DDC: variants seen among roughly 807,000 people sequenced by gnomAD.
DDC encodes aromatic-L-amino-acid decarboxylase.
Under a neutral mutation model 60.0 loss-of-function variants are expected in DDC, and 43 were observed. The ratio of observed to expected loss-of-function variants is 0.72; its 90% CI spans 0.56 to 0.92. The LOEUF (loss-of-function observed/expected upper bound fraction) is 0.92, where lower values mean the gene tolerates loss of function less well. DDC is among the 40% of genes least tolerant of loss of function. DDC has a pLI of 0.00. For missense variants in DDC, 573 were observed against 620.2 expected, an observed-to-expected ratio of 0.92 and a Z score of 0.81; for synonymous variants, 232 against 234.6, an observed-to-expected ratio of 0.99 and a Z score of 0.10.
chr7:50,534,593 G>A (rs560888241), intron 4 of DDC, among the ~76,000 whole-genome samples: 8 of 135,510 alleles, frequency 5.9e-5, no homozygotes, highest in Middle Eastern at 3.6e-3. Context: ...ATGAGACTTC[G>A]TCTAAAAACA....
chr7:50,535,386 A>T (rs1178332463), intron 4 of DDC, among the ~76,000 whole-genome samples: 1 of 152,198 alleles, frequency 6.6e-6, no homozygotes, highest in South Asian at 2.1e-4. Context: ...ACCTCAGGTG[A>T]TCTGCCTGCC....
chr7:50,499,276 T>C lies in DDC; in HGVS notation c.782-34A>G, dbSNP rs1468687539. 3 of 1,488,714 alleles carry C rather than the reference T, an allele frequency of 2.0e-6. No homozygotes were observed. The African/African-American group carries it at 4.1e-5, about 21-fold the overall frequency. 92.2% of individuals were successfully genotyped at this position (1,488,714 alleles called of 1,614,324 possible). On this transcript the variant is annotated intron_variant, in intron 7 of 14. Coordinates refer to ENST00000444124, the MANE Select transcript of DDC (RefSeq NM_001082971.2). Reference sequence around the variant, plus strand: ...CAGAATCAACTTGTGAGTCCCCAGATGGATGCCTCACCACGGAGCCTGCCA... The same window carrying C: ...CAGAATCAACTTGTGAGTCCCCAGACGGATGCCTCACCACGGAGCCTGCCA...
Position 50,540,041 on chromosome 7 carries a change from A to G in DDC, c.202-13T>C. 1 of 1,600,534 alleles carries G rather than the reference A, an allele frequency of 6.2e-7. No individual in the cohort carries two copies. The highest frequency in any genetic ancestry group is 8.6e-7 in the Non-Finnish European group (1 of 1,169,272). On this transcript the variant is annotated splice_polypyrimidine_tract_variant and intron_variant, in intron 2 of 14. Transcript: ENST00000444124. ...GCCAGTGCGTCACCTGCATGGGAGG[A>G]CAGAGCAGCTGCTGAGGAGTGAGGA...
At chr7:50,459,151 G>T (rs1429112762) in intron 14 of DDC, among the ~76,000 whole-genome samples, 2 of 152,262 alleles carry the variant, frequency 1.3e-5, no homozygotes, top group Non-Finnish European at 2.9e-5. Flanking sequence ...TGGAGACGGG[G>T]TTTCGCTGTG....
chr7:50,543,172 G>C (rs1012273449), intron 2 of DDC: 2 of 153,860 alleles, frequency 1.3e-5, no homozygotes, highest in Non-Finnish European at 2.9e-5. Flanking sequence ...GAAACTGGCC[G>C]GGCTGCAACT....
At chr7:50,530,226 G>C (rs1293242137) in intron 4 of DDC, among the ~76,000 whole-genome samples, 2 of 152,108 alleles carry the variant, frequency 1.3e-5, no homozygotes, top group African/African-American at 4.8e-5. Context: ...CTGCACTCCA[G>C]CCTGGGCGAC....
intron 2 of DDC, chr7:50,542,760 C>A (rs1359966195): frequency 1.3e-5 from 2 of 152,286 alleles, no homozygotes; most frequent in African/African-American, 4.8e-5. Context: ...GAACCTGAAT[C>A]CTGTTCTTTG....
chr7:50,492,926 G>T, intron 9 of DDC: 1 of 1,597,468 alleles, frequency 6.3e-7, no homozygotes, highest in Non-Finnish European at 8.5e-7. Flanking sequence ...TCCACGTCCC[G>T]AAAGGCTCAA....
intron 14 of DDC, 34 bp from the exon 15 acceptor site, chr7:50,458,877 T>G (rs1010505915): frequency 6.6e-6 from 1 of 151,916 alleles, no homozygotes; most frequent in Non-Finnish European, 1.5e-5. Flanking sequence ...AGCATATGGC[T>G]ACATTAAAAA....
intron 10 of DDC, among the ~76,000 whole-genome samples, chr7:50,477,293 C>T (rs111728225): frequency 6.0e-4 from 91 of 152,286 alleles, no homozygotes; most frequent in Admixed American, 2.5e-3. Flanking sequence ...GGCTCAGAGA[C>T]GGGAGTTTCT....
intron 9 of DDC, among the ~76,000 whole-genome samples, chr7:50,482,426 G>C (rs1181943967): frequency 1.3e-5 from 2 of 152,176 alleles, no homozygotes; most frequent in Non-Finnish European, 2.9e-5. Context: ...AACATTAGAA[G>C]CCCTAATTGG....
intron 9 of DDC, 118 bp from the exon 10 acceptor site, chr7:50,479,981 ACT>A: frequency 1.3e-6 from 1 of 744,908 alleles, no homozygotes; most frequent in Non-Finnish European, 2.4e-6. Context: ...CCTGAACACC[ACT>A]CTGCCTGCAC....
At chr7:50,508,132 G>A (rs562245042) in intron 6 of DDC, among the ~76,000 whole-genome samples, 1 of 152,352 alleles carries the variant, frequency 6.6e-6, no homozygotes, top group African/African-American at 2.4e-5. Flanking sequence ...CTGTGGTAAG[G>A]AGGAGGCCTG....
intron 1 of DDC, among the ~76,000 whole-genome samples, chr7:50,557,487 A>G (rs1184182617): frequency 6.6e-6 from 1 of 152,252 alleles, no homozygotes; most frequent in Non-Finnish European, 1.5e-5. Flanking sequence ...AGACAATTCA[A>G]ATAGTTGGAA....
At chr7:50,477,165 A>G (rs1431032428) in intron 10 of DDC, among the ~76,000 whole-genome samples, 1 of 152,226 alleles carries the variant, frequency 6.6e-6, no homozygotes, top group African/African-American at 2.4e-5. Flanking sequence ...CAGTTTTAAC[A>G]TCCAGGAATC....
intron 1 of DDC, among the ~76,000 whole-genome samples, chr7:50,559,145 T>G (rs17133881): frequency 0.087 from 13,232 of 152,280 alleles, 1,182 homozygotes; most frequent in African/African-American, 0.23. Flanking sequence ...AGTAGCAGCC[T>G]GATCCCCTTT....
intron 1 of DDC, among the ~76,000 whole-genome samples, chr7:50,555,465 A>T (rs1171738383): frequency 6.6e-6 from 1 of 152,092 alleles, no homozygotes; most frequent in Non-Finnish European, 1.5e-5. Context: ...CCAAGGCAGA[A>T]CCCCTGTTTC....
chr7:50,539,589 C>A (rs1466105069), intron 3 of DDC, among the ~76,000 whole-genome samples: 3 of 152,202 alleles, frequency 2.0e-5, no homozygotes, highest in Non-Finnish European at 4.4e-5. Context: ...TAGAAATTCT[C>A]TGAGCTGCTT....
chr7:50,462,705 G>T (rs1307957230), intron 14 of DDC, among the ~76,000 whole-genome samples: 1 of 149,382 alleles, frequency 6.7e-6, no homozygotes, highest in African/African-American at 2.5e-5. Flanking sequence ...AGTTTTAAAA[G>T]AATTATTACA....
Sources: allele counts gnomAD v4.1 joint callset (sites outside exome capture counted in the v4.1 genomes callset), GRCh38; gene constraint gnomAD v4.1.1; transcripts MANE v1.5; gene names NCBI Gene and HGNC (gene_info 2026-07-23, HGNC 2026-07-21).